Variants in KLHL12 observed in about 807,000 individuals in gnomAD.
The protein encoded by KLHL12 is kelch-like protein 12.
In KLHL12, 17 loss-of-function variants were observed where a neutral mutation model predicts 60.8. The observed-to-expected ratio is 0.28, with a 90% CI of 0.19 to 0.42. The LOEUF is 0.42. KLHL12 is among the 10% of genes least tolerant of loss of function. The probability of loss-of-function intolerance (pLI) is 1.00; values close to 1 mark genes in which losing one functional copy is unlikely to be tolerated. For missense variants in KLHL12, 468 were observed against 722.3 expected (o/e 0.65, Z 4.04); for synonymous variants, 220 against 250.9 (o/e 0.88, Z 1.16).
chr1:202,893,747 A>G lies in KLHL12; in HGVS notation c.1394-322T>C, dbSNP rs533274717. 1.3e-5 allele frequency among the ~76,000 whole-genome samples: 2 copies of G among 152,326 alleles called. No individual in the cohort carries two copies. The highest frequency in any genetic ancestry group is 4.1e-4 in the South Asian group (2 of 4,830). On this transcript the variant is annotated intron_variant, in intron 10 of 11. Transcript: ENST00000367261. This position sits in a 1 kb window ranked among gnomAD's most constrained non-coding sequence, Gnocchi z 4.1. ...CAATAAAGGTAGATGGAGGGAAAGG[A>G]GTTGTGATTATGGTTCTGAAGCAAT...
At position 202,927,229 on chromosome 1, in the gene KLHL12, G is replaced by A. The variant is rs1047754403; in HGVS notation, c.-186C>T. On this transcript the variant is annotated 5_prime_UTR_variant, in exon 1 of 12. Coordinates refer to ENST00000367261, the MANE Select transcript of KLHL12 (RefSeq NM_021633.4). Reference sequence around the variant, plus strand: ...GGCTCTGGAGGCTCTGGAGCCGTCCGGGTCTGGCCCCTGCGGCCGCGCGAC... The same window carrying A: ...GGCTCTGGAGGCTCTGGAGCCGTCCAGGTCTGGCCCCTGCGGCCGCGCGAC... 27 of 985,200 alleles carry A rather than the reference G, an allele frequency of 2.7e-5. No individual in the cohort carries two copies. The highest frequency in any genetic ancestry group is 2.3e-4 in the East Asian group (2 of 8,744). 61.0% of individuals were successfully genotyped at this position (985,200 alleles called of 1,614,324 possible). A position where few individuals can be genotyped will look rare whatever the true frequency, so the allele number is the denominator to read the frequency against.
Position 202,894,608 on chromosome 1 carries a change from C to G in KLHL12, c.1277G>C (p.Gly426Ala). ...REGAGLVVAS[G>A]VIYCLGGYDG... ...CTCAATACCTAGACAGTAGATCACT[C>G]CACTGGCCACTACGAGTCCGGCACC... is the stretch of plus-strand genomic sequence containing the variant. The change falls in exon 9 of 12, where the codon GGA becomes GCA. Residue 426 changes from glycine to alanine, a missense_variant. Gly to Ala is a moderately conservative substitution (Grantham distance 60, BLOSUM62 0). Coordinates refer to ENST00000367261, the MANE Select transcript of KLHL12 (RefSeq NM_021633.4). 1.2e-6 allele frequency: 2 copies of G among 1,614,136 alleles called. No homozygotes were observed. Among genetic ancestry groups the G allele is most frequent in the Non-Finnish European group, 1.7e-6 (2 of 1,180,026 alleles).
At position 202,908,918 on chromosome 1, in the gene KLHL12, G is replaced by A. The variant is rs1424502288; in HGVS notation, c.832+92C>T. 12 of 797,994 alleles carry A rather than the reference G, an allele frequency of 1.5e-5. No individual in the cohort carries two copies. The Admixed American group carries it at 2.4e-4, about 16-fold the overall frequency. The allele number at this position is 797,994 out of a possible 1,614,324, so 49.4% of individuals were successfully genotyped here. A position where few individuals can be genotyped will look rare whatever the true frequency, so the allele number is the denominator to read the frequency against. On this transcript the variant is annotated intron_variant, in intron 6 of 11. Coordinates refer to ENST00000367261, the MANE Select transcript of KLHL12 (RefSeq NM_021633.4). ...AGAAAAGGTCTGAAACGAGGTGTCT[G>A]TACTTCTTATAGAGTATTATTTTCA...
Position 202,919,283 on chromosome 1 carries a change from G to T in KLHL12, c.349+472C>A, listed in dbSNP as rs548825762. Among the ~76,000 whole-genome samples the T allele has an allele frequency of 2.0e-5, 3 of 152,190 alleles. 1 individual carries two copies. The South Asian group carries it at 6.2e-4, about 32-fold the overall frequency. On this transcript the variant is annotated intron_variant, in intron 3 of 11. Transcript: ENST00000367261. ...AAACAAAACAAAAAACCTGGGAATT[G>T]TAAGGGAAAACAAACCACCTGTAAT...
rs1429359732 is a variant in KLHL12 at position 202,909,922 on chromosome 1, CTTCT to C, written c.718-802_718-799del. ...TCTGAACTTGCGCCTTTGTAAACAG[CTTCT>C]TTATTAAAAAAAACTCTTCTAAAAT... On this transcript the variant is annotated intron_variant, in intron 5 of 11. Transcript: ENST00000367261. This position sits in a 1 kb window ranked among gnomAD's most constrained non-coding sequence, Gnocchi z 4.1. 1.3e-5 allele frequency among the ~76,000 whole-genome samples: 2 copies of C among 152,140 alleles called. No homozygotes were observed. Among genetic ancestry groups the C allele is most frequent in the African/African-American group, 4.8e-5 (2 of 41,410 alleles).
intron 4 of KLHL12, 64 bp downstream of exon 4, chr1:202,918,107 C>G: frequency 1.7e-6 from 2 of 1,208,230 alleles, no homozygotes; most frequent in South Asian, 2.6e-5. Flanking sequence ...GTAACTGCAT[C>G]CTATTTGCAA....
At chr1:202,924,769 T>C (rs1433842548) in intron 2 of KLHL12, among the ~76,000 whole-genome samples, 199 bp downstream of exon 2, 1 of 152,228 alleles carries the variant, frequency 6.6e-6, no homozygotes, top group African/African-American at 2.4e-5. Flanking sequence ...AACCATGTGT[T>C]ACATATTACT....
intron 2 of KLHL12, 101 bp from the exon 3 acceptor site, chr1:202,920,009 A>C (rs1343526576): frequency 3.7e-5 from 41 of 1,095,108 alleles, no homozygotes; most frequent in Non-Finnish European, 5.0e-5. Context: ...ATATTAATTG[A>C]ACATTTATCT....
rs765526918 is a variant in KLHL12, at chr1:202,909,942, C to A, written c.718-818G>T. On this transcript the variant is annotated intron_variant, in intron 5 of 11. Coordinates refer to ENST00000367261, the MANE Select transcript of KLHL12 (RefSeq NM_021633.4). This position sits in a 1 kb window ranked among gnomAD's most constrained non-coding sequence, Gnocchi z 4.1. ...AACAGCTTCTTTATTAAAAAAAACT[C>A]TTCTAAAATTGTCCTGTTTTGAGTA... is the stretch of plus-strand genomic sequence containing the variant. 1.9e-4 allele frequency among the ~76,000 whole-genome samples: 29 copies of A among 152,132 alleles called. No individual in the cohort carries two copies. Among genetic ancestry groups the A allele is most frequent in the Admixed American group, 1.4e-3 (21 of 15,262 alleles).
At position 202,925,105 on chromosome 1, in the gene KLHL12, G is replaced by A; in HGVS notation, c.58C>T (p.Leu20Phe). 1 of 1,614,108 alleles carries A rather than the reference G, an allele frequency of 6.2e-7. No homozygotes were observed. ...IMTNTHAKSI[L>F]NSMNSLRKSN... ...TTCCTGAGGGAGTTCATTGAATTGA[G>A]GATGGATTTAGCATGAGTATTTGTC... The change falls in exon 2 of 12, where the codon CTC becomes TTC. Residue 20 changes from leucine to phenylalanine, a missense_variant. By Grantham distance (22) the Leu-to-Phe change is conservative (BLOSUM62 0). This residue lies in a region of KLHL12 where 61 missense variants were observed against 59.9 expected (regional missense o/e 1.02). Transcript: ENST00000367261.
At chr1:202,924,677 A>G (rs2102462511) in intron 2 of KLHL12, among the ~76,000 whole-genome samples, 1 of 152,340 alleles carries the variant, frequency 6.6e-6, no homozygotes, top group Non-Finnish European at 1.5e-5. Context: ...CCAATAGCTG[A>G]CATGTGTGTT....
intron 2 of KLHL12, among the ~76,000 whole-genome samples, chr1:202,920,329 A>G (rs1660647906): frequency 6.6e-6 from 1 of 151,732 alleles, no homozygotes; most frequent in South Asian, 2.1e-4. Flanking sequence ...AATAAAAAAG[A>G]AAGAAAATAA....
At chr1:202,900,146 T>C (rs1659962299) in intron 6 of KLHL12, among the ~76,000 whole-genome samples, 1 of 152,176 alleles carries the variant, frequency 6.6e-6, no homozygotes, top group East Asian at 1.9e-4. Flanking sequence ...AGGTACTTCC[T>C]GTGCTATGCA....
upstream of KLHL12, chr1:202,927,398 G>T (rs1423674369): frequency 2.2e-6 from 1 of 456,656 alleles, no homozygotes; most frequent in Non-Finnish European, 2.9e-6. Context: ...AAAAGGTCGG[G>T]TGGGCAGGGA....
At chr1:202,910,256 TGG>T (rs1660314085) in intron 5 of KLHL12, among the ~76,000 whole-genome samples, 1 of 152,242 alleles carries the variant, frequency 6.6e-6, no homozygotes, top group African/African-American at 2.4e-5. Flanking sequence ...GTGGTGAATT[TGG>T]GATTTCAGGC....
intron 4 of KLHL12, among the ~76,000 whole-genome samples, chr1:202,914,528 G>C (rs1269807284): frequency 6.6e-6 from 1 of 152,186 alleles, no homozygotes; most frequent in Non-Finnish European, 1.5e-5. Context: ...TTTAAAGATA[G>C]AGTTTTTCAA....
At chr1:202,903,686 G>C (rs1032513339) in intron 6 of KLHL12, among the ~76,000 whole-genome samples, 11 of 142,170 alleles carry the variant, frequency 7.7e-5, no homozygotes, top group Admixed American at 1.5e-4. Flanking sequence ...GCAGTGGTGT[G>C]ATCTTGGCTC....
intron 3 of KLHL12, 91 bp downstream of exon 3, chr1:202,919,664 C>T (rs978460047): frequency 4.4e-5 from 55 of 1,261,186 alleles, no homozygotes; most frequent in Non-Finnish European, 5.9e-5. Flanking sequence ...TAGTTTGTCT[C>T]CAAAATGTTC....
Position 202,895,530 on chromosome 1 carries a change from G to C in KLHL12, c.1127C>G (p.Thr376Ser). The C allele has an allele frequency of 6.2e-7, 1 of 1,613,282 alleles. No homozygotes were observed. Among genetic ancestry groups the C allele is most frequent in the South Asian group, 1.1e-5 (1 of 91,022 alleles). ...CTGCACATCCAGCCTACCTCCCAGGGTGGTGGCTCCAGCAAGACCTCGTCG... is the reference window on the plus strand; with the variant it reads ...CTGCACATCCAGCCTACCTCCCAGGCTGGTGGCTCCAGCAAGACCTCGTCG... ...NVRRGLAGAT[T>S]LGDMIYVSGG... is the part of the protein sequence containing the mutation. The change falls in exon 8 of 12, where the codon ACC becomes AGC. Residue 376 changes from threonine (T) to serine (S), a missense_variant. Transcript: ENST00000367261. The surrounding 1 kb of genome is among the most constrained non-coding windows in gnomAD (Gnocchi z 4.2).
Sources: gnomAD v4.1 joint callset for allele counts (sites outside exome capture counted in the v4.1 genomes callset) on GRCh38, gnomAD v4.1.1 for gene constraint, gnomAD v4.1.1 regional missense constraint, Gnocchi (gnomAD v3.1) non-coding constraint, MANE v1.5 for transcripts, NCBI Gene and HGNC (gene_info 2026-07-23, HGNC 2026-07-21) for gene names.